Variants in CFAP95 observed in about 807,000 individuals in gnomAD.
CFAP95 encodes cilia- and flagella-associated protein 95.
the CFAP95 span, among the ~76,000 whole-genome samples, chr9:69,872,496 T>C: frequency 2.0e-5 from 3 of 152,212 alleles, no homozygotes; most frequent in African/African-American, 7.2e-5. Context: ...GACTGCTTAG[T>C]TGCAAAGCAG....
At chr9:69,824,451 C>T in the CFAP95 span, among the ~76,000 whole-genome samples, 1 of 152,112 alleles carries the variant, frequency 6.6e-6, no homozygotes, top group Non-Finnish European at 1.5e-5. Flanking sequence ...TTTGAGTTGC[C>T]CTACGTGCAT....
the CFAP95 span, among the ~76,000 whole-genome samples, chr9:69,824,374 A>G: frequency 1.3e-5 from 2 of 152,196 alleles, no homozygotes; most frequent in South Asian, 2.1e-4. Flanking sequence ...TGTAAGTCAA[A>G]ATTAATACTT....
At chr9:69,883,053 A>G in the CFAP95 span, among the ~76,000 whole-genome samples, 5 of 152,326 alleles carry the variant, frequency 3.3e-5, no homozygotes, top group South Asian at 6.2e-4. Flanking sequence ...GGTAGAAATC[A>G]GCAGTGAAGC....
chr9:69,859,021 A>AAG, the CFAP95 span, among the ~76,000 whole-genome samples: 1 of 152,218 alleles, frequency 6.6e-6, no homozygotes, highest in East Asian at 1.9e-4. Flanking sequence ...TAAGCAAGTT[A>AAG]ATATATGTCA....
At chr9:69,841,164 T>TTATATATATATGTATATATATATA in the CFAP95 span, among the ~76,000 whole-genome samples, 1 of 56,078 alleles carries the variant, frequency 1.8e-5, no homozygotes, top group African/African-American at 6.0e-5. Flanking sequence ...CCAAGCTGGA[T>TTATATATATATGTATATATATATA]TATATATATA....
the CFAP95 span, chr9:69,856,506 A>C: frequency 9.1e-7 from 1 of 1,093,880 alleles, no homozygotes; most frequent in Admixed American, 2.1e-5. Context: ...GTAACTGACC[A>C]TTTGTAGTGA....
the CFAP95 span, among the ~76,000 whole-genome samples, chr9:69,868,462 A>G: frequency 6.6e-6 from 1 of 152,194 alleles, no homozygotes; most frequent in East Asian, 1.9e-4. Context: ...GTATGAGATC[A>G]GCCTGGCCAA....
chr9:69,896,763 C>T, the CFAP95 span, among the ~76,000 whole-genome samples: 1 of 152,034 alleles, frequency 6.6e-6, no homozygotes, highest in Non-Finnish European at 1.5e-5. Context: ...TGGCTCACAC[C>T]TGTCATCCCA....
the CFAP95 span, among the ~76,000 whole-genome samples, chr9:69,889,194 C>T: frequency 6.6e-6 from 1 of 152,108 alleles, no homozygotes; most frequent in Admixed American, 6.6e-5. Context: ...AAATGGAAAC[C>T]GTATTTGTAA....
chr9:69,850,867 C>T, the CFAP95 span, among the ~76,000 whole-genome samples: 12 of 152,196 alleles, frequency 7.9e-5, no homozygotes, highest in African/African-American at 2.9e-4. Flanking sequence ...AATATCACCA[C>T]AATGACATCT....
At chr9:69,885,295 TGCCAGG>T in the CFAP95 span, among the ~76,000 whole-genome samples, 2 of 63,352 alleles carry the variant, frequency 3.2e-5, no homozygotes, top group Admixed American at 1.5e-4. Context: ...CCCATAATAT[TGCCAGG>T]AATGGAGGTG....
the CFAP95 span, among the ~76,000 whole-genome samples, chr9:69,821,210 A>G: frequency 6.6e-6 from 1 of 152,026 alleles, no homozygotes; most frequent in Non-Finnish European, 1.5e-5. Context: ...AAATGAGAAG[A>G]AAGGTGAGAA....
the CFAP95 span, chr9:69,821,175 G>A: frequency 2.2e-6 from 2 of 893,064 alleles, no homozygotes; most frequent in Non-Finnish European, 3.2e-6. Flanking sequence ...TGAGAAAAGT[G>A]GGGGAGAAAT....
the CFAP95 span, among the ~76,000 whole-genome samples, chr9:69,884,207 A>C: frequency 6.6e-6 from 1 of 152,144 alleles, no homozygotes; most frequent in African/African-American, 2.4e-5. Flanking sequence ...ATTTTTATGT[A>C]TTTTTACTTT....
chr9:69,875,552 G>A, the CFAP95 span, among the ~76,000 whole-genome samples: 1 of 152,106 alleles, frequency 6.6e-6, no homozygotes, highest in Non-Finnish European at 1.5e-5. Context: ...TGCTTTACAC[G>A]AGTGGAGAGA....
the CFAP95 span, among the ~76,000 whole-genome samples, chr9:69,870,670 A>C: frequency 6.6e-6 from 1 of 152,230 alleles, no homozygotes; most frequent in South Asian, 2.1e-4. Context: ...CCATGGCTAC[A>C]TGATTGTTTT....
chr9:69,853,403 G>A, the CFAP95 span, among the ~76,000 whole-genome samples: 1 of 152,276 alleles, frequency 6.6e-6, no homozygotes, highest in East Asian at 1.9e-4. Flanking sequence ...ATTATGAAAT[G>A]AGCTTCCTCT....
chr9:69,836,887 C>G, the CFAP95 span, among the ~76,000 whole-genome samples: 2 of 147,426 alleles, frequency 1.4e-5, no homozygotes, highest in Admixed American at 6.8e-5. Flanking sequence ...CGCCTCCCCC[C>G]ACCCCACAAC....
chr9:69,875,193 T>C, the CFAP95 span, among the ~76,000 whole-genome samples: 3 of 152,156 alleles, frequency 2.0e-5, no homozygotes, highest in Non-Finnish European at 2.9e-5. Context: ...TAAAAATTGA[T>C]TGTTGCCCTG....
Sources: allele counts gnomAD v4.1 joint callset (sites outside exome capture counted in the v4.1 genomes callset), GRCh38; gene constraint gnomAD v4.1.1; transcripts MANE v1.5; gene names NCBI Gene and HGNC (gene_info 2026-07-23, HGNC 2026-07-21).